Variants in CYP20A1 observed in about 807,000 individuals in gnomAD.
CYP20A1 encodes cytochrome P450 family 20 subfamily A member 1, also known as cytochrome P450 20A1.
A neutral mutation model predicts 61.4 loss-of-function variants in CYP20A1; 61 were observed. The observed-to-expected ratio is 0.99, with a 90% CI of 0.81 to 1.23. The LOEUF (loss-of-function observed/expected upper bound fraction) is 1.23. Among genes scored for constraint, CYP20A1 ranks in the 50% most tolerant of loss-of-function variants. The pLI, the probability that CYP20A1 is intolerant of heterozygous loss-of-function variation, is 0.00. For missense variants in CYP20A1, 530 were observed against 542.4 expected (o/e 0.98, Z 0.23); for synonymous variants, 193 against 188.2 (o/e 1.03, Z -0.21).
intron 4 of CYP20A1, among the ~76,000 whole-genome samples, chr2:203,257,847 A>T (rs994302773): frequency 3.0e-5 from 2 of 67,504 alleles, no homozygotes; most frequent in South Asian, 1.5e-3. Flanking sequence ...GGGGTACATG[A>T]GGTATTTTGA....
intron 5 of CYP20A1, among the ~76,000 whole-genome samples, chr2:203,272,304 A>G (rs2067633906): frequency 6.6e-6 from 1 of 152,096 alleles, no homozygotes; most frequent in African/African-American, 2.4e-5. Flanking sequence ...ACACTTTGGG[A>G]GACTGAGATG....
chr2:203,278,752 T>C (rs763255779), intron 7 of CYP20A1, 64 bp downstream of exon 7: 11 of 844,148 alleles, frequency 1.3e-5, no homozygotes, highest in Middle Eastern at 2.3e-4. Flanking sequence ...CAATGGCTCA[T>C]GACTGTAGTC....
At chr2:203,291,663 TG>T (rs1454450651) in intron 10 of CYP20A1, among the ~76,000 whole-genome samples, 2 of 152,214 alleles carry the variant, frequency 1.3e-5, no homozygotes, top group African/African-American at 4.8e-5. Flanking sequence ...TTTTTGTTAT[TG>T]TTTTTTAACT....
rs562449442 is a variant in CYP20A1, at chr2:203,298,145, T to C, written c.*1237T>C. The C allele has an allele frequency of 5.8e-5, 9 of 155,646 alleles. No individual in the cohort carries two copies. The highest frequency in any genetic ancestry group is 2.2e-4 in the African/African-American group (9 of 41,578). The allele number at this position is 155,646 out of a possible 1,614,324, so 9.6% of individuals were successfully genotyped here. On this transcript the variant is annotated 3_prime_UTR_variant, in exon 13 of 13. Coordinates refer to ENST00000356079, the MANE Select transcript of CYP20A1 (RefSeq NM_177538.3). Reference sequence around the variant, plus strand: ...GCTCATGCGTATAATCCTAGAACTTTGGAAGGCCAAAGCTGGTGGATTGCT... The same window carrying C: ...GCTCATGCGTATAATCCTAGAACTTCGGAAGGCCAAAGCTGGTGGATTGCT...
intron 4 of CYP20A1, 80 bp downstream of exon 4, chr2:203,252,189 C>T (rs953484693): frequency 2.1e-5 from 22 of 1,041,074 alleles, no homozygotes; most frequent in Non-Finnish European, 2.9e-5. Context: ...TGTGTACTAT[C>T]TTTGTTACTC....
chr2:203,245,228 G>A (rs1411539865), intron 1 of CYP20A1, among the ~76,000 whole-genome samples: 3 of 151,446 alleles, frequency 2.0e-5, no homozygotes, highest in East Asian at 3.9e-4. Flanking sequence ...GGGTTTCACC[G>A]TGTTAGCCAG....
intron 4 of CYP20A1, among the ~76,000 whole-genome samples, chr2:203,266,281 C>T (rs2067319442): frequency 6.6e-6 from 1 of 151,804 alleles, no homozygotes; most frequent in South Asian, 2.1e-4. Context: ...TTTTTATTGT[C>T]GTGATAGTGG....
chr2:203,272,927 A>ACCT (rs1440770965), intron 6 of CYP20A1, among the ~76,000 whole-genome samples, 179 bp downstream of exon 6: 1 of 151,424 alleles, frequency 6.6e-6, no homozygotes. Context: ...GGCCACAGCA[A>ACCT]CCTCCGCCTC....
At chr2:203,248,859 A>T (rs1002215838) in intron 3 of CYP20A1, among the ~76,000 whole-genome samples, 4 of 152,018 alleles carry the variant, frequency 2.6e-5, no homozygotes, top group Non-Finnish European at 5.9e-5. Flanking sequence ...ATAGGCATGC[A>T]CCACCATGCC....
At chr2:203,247,274 G>A (rs6737353) in intron 3 of CYP20A1, among the ~76,000 whole-genome samples, 135,672 of 151,852 alleles carry the variant, frequency 0.89, 61,452 homozygotes, top group Non-Finnish European at 0.96. Flanking sequence ...AATAAAAAAA[G>A]AATTAATGTT....
chr2:203,297,972 A>T lies in CYP20A1; in HGVS notation c.*1064A>T, dbSNP rs931316149. The T allele has an allele frequency of 1.3e-5, 2 of 152,248 alleles. No individual in the cohort carries two copies. The highest frequency in any genetic ancestry group is 4.8e-5 in the African/African-American group (2 of 41,426). 9.4% of individuals were successfully genotyped at this position (152,248 alleles called of 1,614,324 possible). On this transcript the variant is annotated 3_prime_UTR_variant, in exon 13 of 13. Transcript: ENST00000356079. Reference sequence around the variant, plus strand: ...TGCACTCCAGCCTGGGCCACAGAGCAAGACTCTGTCTCAAGAAAAACAAAA... The same window carrying T: ...TGCACTCCAGCCTGGGCCACAGAGCTAGACTCTGTCTCAAGAAAAACAAAA...
chr2:203,247,357 T>C (rs2066497828), intron 3 of CYP20A1, among the ~76,000 whole-genome samples: 1 of 152,238 alleles, frequency 6.6e-6, no homozygotes, highest in African/African-American at 2.4e-5. Flanking sequence ...CTTTGTACTA[T>C]GTGCTAGGCA....
In CYP20A1 at chr2:203,301,917, T is replaced by TC; in HGVS notation, c.*5009_*5010insC. ...GAAGTTAACCACTGTTAAGATTCTT[T>TC]TTTTTTTTTTTTTTTTTTTGTTTTG... is the stretch of plus-strand genomic sequence containing the variant. On this transcript the variant is annotated 3_prime_UTR_variant, in exon 13 of 13. Coordinates refer to ENST00000356079, the MANE Select transcript of CYP20A1 (RefSeq NM_177538.3). Among the ~76,000 whole-genome samples the TC allele has an allele frequency of 6.9e-6, 1 of 144,022 alleles. No individual in the cohort carries two copies. Among genetic ancestry groups the TC allele is most frequent in the East Asian group, 2.0e-4 (1 of 4,934 alleles). The allele number at this position is 144,022 out of a possible 152,430, so 94.5% of individuals were successfully genotyped here.
rs187248468 is a variant in CYP20A1, at chr2:203,279,005, G to A, written c.795+317G>A. On this transcript the variant is annotated intron_variant, in intron 7 of 12. Coordinates refer to ENST00000356079, the MANE Select transcript of CYP20A1 (RefSeq NM_177538.3). ...TTTTGAGATGGAGTCTCGCTATGTC[G>A]CCCGGCTGGAGTGCAGTGGCACGAT... is the stretch of plus-strand genomic sequence containing the variant. Among the ~76,000 whole-genome samples, 831 of 151,946 alleles carry A rather than the reference G, an allele frequency of 5.5e-3. 10 individuals carry two copies. The highest frequency in any genetic ancestry group is 0.019 in the African/African-American group (771 of 41,416).
intron 4 of CYP20A1, among the ~76,000 whole-genome samples, chr2:203,261,465 G>GC (rs1260652822): frequency 2.0e-5 from 3 of 148,536 alleles, no homozygotes; most frequent in Non-Finnish European, 4.5e-5. Flanking sequence ...TACTCAGGAG[G>GC]CAAGGCAGGA....
At chr2:203,254,105 C>T (rs1274779928) in intron 4 of CYP20A1, among the ~76,000 whole-genome samples, 1 of 27,346 alleles carries the variant, frequency 3.7e-5, no homozygotes, top group East Asian at 1.4e-3. Context: ...TGCCACCATG[C>T]CCAGCTCATT....
Position 203,301,932 on chromosome 2 carries a change from T to TG in CYP20A1, c.*5024_*5025insG, listed in dbSNP as rs1360731717. ...TAAGATTCTTTTTTTTTTTTTTTTT[T>TG]TTTTGTTTTGAGACTGAGTCCCGCT... On this transcript the variant is annotated 3_prime_UTR_variant, in exon 13 of 13. Transcript: ENST00000356079. Among the ~76,000 whole-genome samples, 33 of 146,396 alleles carry TG rather than the reference T, an allele frequency of 2.3e-4. No homozygotes were observed. Among genetic ancestry groups the TG allele is most frequent in the Admixed American group, 6.9e-4 (10 of 14,504 alleles).
At chr2:203,268,457 G>A (rs1479519791) in intron 5 of CYP20A1, among the ~76,000 whole-genome samples, 1 of 152,054 alleles carries the variant, frequency 6.6e-6, no homozygotes, top group African/African-American at 2.4e-5. Context: ...CCCTCAATTT[G>A]AGTTTGTCTG....
At chr2:203,279,201 C>T (rs1415550223) in intron 7 of CYP20A1, among the ~76,000 whole-genome samples, 2 of 152,226 alleles carry the variant, frequency 1.3e-5, no homozygotes, top group East Asian at 3.9e-4. Flanking sequence ...TCTTTCACAT[C>T]ATGATCCACC....
Sources: gnomAD v4.1 joint callset for allele counts (sites outside exome capture counted in the v4.1 genomes callset) on GRCh38, gnomAD v4.1.1 for gene constraint, MANE v1.5 for transcripts, NCBI Gene and HGNC (gene_info 2026-07-23, HGNC 2026-07-21) for gene names.